Variants in NKAIN2 observed in about 807,000 individuals in gnomAD.
NKAIN2 encodes the protein sodium/potassium-transporting ATPase subunit beta-1-interacting protein 2.
Under a neutral mutation model 32.6 loss-of-function variants are expected in NKAIN2, and 14 were observed. That is an observed-to-expected ratio of 0.43 (90% CI 0.28 to 0.67). The LOEUF (loss-of-function observed/expected upper bound fraction) is 0.67. Among genes scored for constraint, NKAIN2 ranks in the 30% least tolerant of loss-of-function variants. NKAIN2 has a pLI of 0.17. For missense variants in NKAIN2, 198 were observed against 258.3 expected (o/e 0.77, Z 1.60); for synonymous variants, 80 against 87.2 (o/e 0.92, Z 0.46).
At chr6:124,638,752 G>A (rs1783869437) in intron 3 of NKAIN2, among the ~76,000 whole-genome samples, 1 of 151,792 alleles carries the variant, frequency 6.6e-6, no homozygotes, top group African/African-American at 2.4e-5. Flanking sequence ...AAAGCCAGAC[G>A]TGGTAGTGGA....
At chr6:124,746,490 C>T (rs545692430) in intron 4 of NKAIN2, among the ~76,000 whole-genome samples, 1 of 151,736 alleles carries the variant, frequency 6.6e-6, no homozygotes, top group Non-Finnish European at 1.5e-5. Flanking sequence ...AAAATAATAG[C>T]AGGAGAAGTT....
At chr6:124,674,122 G>T (rs1013242100) in intron 4 of NKAIN2, among the ~76,000 whole-genome samples, 9 of 151,990 alleles carry the variant, frequency 5.9e-5, no homozygotes, top group African/African-American at 2.2e-4. Context: ...TCTCACCATT[G>T]TGTAGTCTTG....
At chr6:123,944,679 A>G (rs896418413) in intron 1 of NKAIN2, among the ~76,000 whole-genome samples, 1 of 152,116 alleles carries the variant, frequency 6.6e-6, no homozygotes, top group Non-Finnish European at 1.5e-5. Flanking sequence ...AAAACTTGAG[A>G]AACTTTAGAA....
chr6:124,113,044 C>T (rs1366912254), intron 1 of NKAIN2, among the ~76,000 whole-genome samples: 5 of 151,982 alleles, frequency 3.3e-5, no homozygotes, highest in Non-Finnish European at 7.4e-5. Flanking sequence ...TTATCTTGTT[C>T]CTTTTTTTGG....
At chr6:124,016,267 C>T (rs1237430067) in intron 1 of NKAIN2, among the ~76,000 whole-genome samples, 1 of 152,012 alleles carries the variant, frequency 6.6e-6, no homozygotes, top group Non-Finnish European at 1.5e-5. Flanking sequence ...AGAAACCTCT[C>T]GAAGAAATTT....
intron 1 of NKAIN2, among the ~76,000 whole-genome samples, chr6:124,054,577 A>G (rs1394517959): frequency 1.3e-5 from 2 of 152,034 alleles, no homozygotes; most frequent in South Asian, 2.1e-4. Context: ...TAGCACTTCC[A>G]TGGTATTGGC....
intron 3 of NKAIN2, among the ~76,000 whole-genome samples, chr6:124,375,401 A>G (rs1267379593): frequency 1.4e-5 from 2 of 147,654 alleles, no homozygotes; most frequent in Non-Finnish European, 3.0e-5. Context: ...ATGTATATAA[A>G]TTATATATAT....
chr6:124,151,319 A>G (rs994257004), intron 1 of NKAIN2, among the ~76,000 whole-genome samples: 14 of 152,074 alleles, frequency 9.2e-5, no homozygotes, highest in African/African-American at 3.4e-4. Context: ...AGAAGTATAC[A>G]ACAGATCAAT....
At chr6:123,892,558 C>T (rs763966654) in intron 1 of NKAIN2, among the ~76,000 whole-genome samples, 1 of 151,856 alleles carries the variant, frequency 6.6e-6, no homozygotes, top group Non-Finnish European at 1.5e-5. Context: ...AACCTTGACA[C>T]GTGGGGATTA....
At chr6:123,866,220 T>G (rs1772504936) in intron 1 of NKAIN2, among the ~76,000 whole-genome samples, 1 of 152,206 alleles carries the variant, frequency 6.6e-6, no homozygotes, top group African/African-American at 2.4e-5. Context: ...TTTACTCTTT[T>G]TCCCTCTCCT....
intron 1 of NKAIN2, among the ~76,000 whole-genome samples, chr6:124,151,862 G>C (rs941296068): frequency 9.9e-5 from 15 of 151,716 alleles, no homozygotes; most frequent in African/African-American, 1.4e-4. Context: ...TTAATTTATA[G>C]GAATTTAAAA....
chr6:124,215,022 A>T (rs1423591135), intron 1 of NKAIN2, among the ~76,000 whole-genome samples: 1 of 152,108 alleles, frequency 6.6e-6, no homozygotes, highest in Non-Finnish European at 1.5e-5. Flanking sequence ...GAAGAAACAA[A>T]CTCACAGAAA....
In NKAIN2 at chr6:123,849,949, G is replaced by GTTTTTTTTTTTTTTTTTTTTT. The variant is rs777466801; in HGVS notation, c.54+45707_54+45708insTTTTTTTTTTTTTTTTTTTTT. 5.9e-4 allele frequency among the ~76,000 whole-genome samples: 23 copies of GTTTTTTTTTTTTTTTTTTTTT among 38,730 alleles called. 1 individual carries two copies. The highest frequency in any genetic ancestry group is 7.8e-4 in the African/African-American group (19 of 24,358). 25.4% of individuals were successfully genotyped at this position (38,730 alleles called of 152,430 possible). ...TGGTTTCACTCTGTAACTCAGGCTG[G>GTTTTTTTTTTTTTTTTTTTTT]TTTTTTTTTTTTGTTTGTTTGTTTT... On this transcript the variant is annotated intron_variant, in intron 1 of 6. Transcript: ENST00000368417.
chr6:124,231,565 C>A (rs1214451832), intron 1 of NKAIN2, among the ~76,000 whole-genome samples: 2 of 152,060 alleles, frequency 1.3e-5, no homozygotes, highest in Non-Finnish European at 2.9e-5. Context: ...ATAATTGAAT[C>A]ATGGGGTGGG....
intron 2 of NKAIN2, among the ~76,000 whole-genome samples, chr6:124,343,293 G>A (rs545701182): frequency 4.0e-5 from 6 of 151,896 alleles, no homozygotes; most frequent in South Asian, 4.2e-4. Flanking sequence ...ATAAACATAC[G>A]TGTGCATGTG....
At chr6:124,338,014 A>G (rs1797952075) in intron 2 of NKAIN2, among the ~76,000 whole-genome samples, 1 of 152,208 alleles carries the variant, frequency 6.6e-6, no homozygotes, top group African/African-American at 2.4e-5. Flanking sequence ...CATGAAGCAC[A>G]GTAGAAAAAC....
chr6:124,736,293 G>A (rs1776936355), intron 4 of NKAIN2, among the ~76,000 whole-genome samples: 1 of 151,866 alleles, frequency 6.6e-6, no homozygotes, highest in African/African-American at 2.4e-5. Context: ...TAGTTCATGA[G>A]GTTTAAGGCA....
intron 3 of NKAIN2, among the ~76,000 whole-genome samples, chr6:124,476,397 C>CTGTGTGTGTG: frequency 7.2e-6 from 1 of 138,038 alleles, no homozygotes; most frequent in Middle Eastern, 3.8e-3. Context: ...ATGTATGTGA[C>CTGTGTGTGTG]TGTGTGTGTG....
intron 1 of NKAIN2, among the ~76,000 whole-genome samples, chr6:123,905,166 T>C (rs1391922737): frequency 2.6e-5 from 4 of 152,094 alleles, no homozygotes; most frequent in African/African-American, 9.7e-5. Flanking sequence ...CCTTCCACAG[T>C]TTCATGGCAG....
Sources: gnomAD v4.1 joint callset for allele counts (sites outside exome capture counted in the v4.1 genomes callset) on GRCh38, gnomAD v4.1.1 for gene constraint, MANE v1.5 for transcripts, NCBI Gene and HGNC (gene_info 2026-07-23, HGNC 2026-07-21) for gene names.